FAT3: variants seen among roughly 807,000 people sequenced by gnomAD.
FAT3 encodes protocadherin Fat 3.
In FAT3, 95 loss-of-function variants were observed where a neutral mutation model predicts 310.2. The ratio of observed to expected loss-of-function variants is 0.31; its 90% CI spans 0.26 to 0.36. The LOEUF (loss-of-function observed/expected upper bound fraction) is 0.36, where lower values mean the gene tolerates loss of function less well. Ranked by LOEUF, FAT3 falls within the 10% of genes least tolerant of loss-of-function variation. The pLI is 1.00. For synonymous variants in FAT3, 2,314 were observed against 2,192.9 expected (o/e 1.06, Z -1.54); for missense variants, 5,408 against 5,715.6 (o/e 0.95, Z 1.74).
intron 2 of FAT3, among the ~76,000 whole-genome samples, chr11:92,466,699 A>G (rs1951769397): frequency 6.7e-6 from 1 of 149,712 alleles, no homozygotes; most frequent in Admixed American, 6.7e-5. Context: ...GTCATTTAGC[A>G]TTAGGTGTAT....
chr11:92,893,849 G>A lies in FAT3; in HGVS notation c.*2736G>A, dbSNP rs991634982. On this transcript the variant is annotated 3_prime_UTR_variant, in exon 28 of 28. Coordinates refer to ENST00000525166, the MANE Select transcript of FAT3 (RefSeq NM_001367949.2). Reference sequence around the variant, plus strand: ...AGTCAGGCCAAGATGCTACTAGGTGGGGATGATCACTAATTCAAAAAAGCT... The same window carrying A: ...AGTCAGGCCAAGATGCTACTAGGTGAGGATGATCACTAATTCAAAAAAGCT... The A allele has an allele frequency of 2.0e-5, 3 of 152,114 alleles. No individual in the cohort carries two copies. Among genetic ancestry groups the A allele is most frequent in the African/African-American group, 7.2e-5 (3 of 41,410 alleles). The allele number at this position is 152,114 out of a possible 1,614,324, so 9.4% of individuals were successfully genotyped here. A position where few individuals can be genotyped will look rare whatever the true frequency, so the allele number is the denominator to read the frequency against.
intron 1 of FAT3, among the ~76,000 whole-genome samples, chr11:92,306,504 T>A (rs1175451474): frequency 3.1e-5 from 4 of 127,830 alleles, no homozygotes; most frequent in African/African-American, 1.3e-4. Context: ...ATTATATATG[T>A]TATATATATT....
At chr11:92,678,658 C>T (rs1373922087) in intron 3 of FAT3, among the ~76,000 whole-genome samples, 1 of 152,088 alleles carries the variant, frequency 6.6e-6, no homozygotes, top group African/African-American at 2.4e-5. Flanking sequence ...CCCCTTAAGA[C>T]TCCGAGTTTT....
At chr11:92,447,495 C>T (rs897587439) in intron 2 of FAT3, among the ~76,000 whole-genome samples, 6 of 151,992 alleles carry the variant, frequency 3.9e-5, no homozygotes, top group Admixed American at 3.9e-4. Flanking sequence ...AAGAGCTAAG[C>T]AATATTATAG....
intron 1 of FAT3, among the ~76,000 whole-genome samples, chr11:92,325,858 T>C (rs1947749675): frequency 6.6e-6 from 1 of 152,178 alleles, no homozygotes; most frequent in South Asian, 2.1e-4. Flanking sequence ...TCTCGATCTC[T>C]TGACCTCGTG....
chr11:92,314,100 G>A (rs1275772552), intron 1 of FAT3, among the ~76,000 whole-genome samples: 1 of 152,146 alleles, frequency 6.6e-6, no homozygotes, highest in Non-Finnish European at 1.5e-5. Flanking sequence ...CTATAGAACT[G>A]CCTCAGAAAA....
rs533099209 is a variant in FAT3 at position 92,384,051 on chromosome 11, T to C, written c.3292+28647T>C. The stretch of plus-strand genomic sequence containing the variant: ...CTCAGCAAAGAAATCCATGTGGATT[T>C]TCCAGGGAGGTTTCCCCTCCCCAAA... On this transcript the variant is annotated intron_variant, in intron 2 of 27. Coordinates refer to ENST00000525166, the MANE Select transcript of FAT3 (RefSeq NM_001367949.2). Among the ~76,000 whole-genome samples the C allele has an allele frequency of 7.2e-5, 11 of 152,274 alleles. No homozygotes were observed. In the South Asian group the frequency reaches 2.3e-3, roughly 32 times the overall value.
At chr11:92,666,444 C>T (rs190377419) in intron 3 of FAT3, among the ~76,000 whole-genome samples, 4 of 151,232 alleles carry the variant, frequency 2.6e-5, no homozygotes, top group Admixed American at 6.6e-5. Context: ...CTCTGCCTCC[C>T]GGGTTCACGC....
At chr11:92,605,319 C>A (rs1429400267) in intron 3 of FAT3, among the ~76,000 whole-genome samples, 1 of 152,210 alleles carries the variant, frequency 6.6e-6, no homozygotes. Flanking sequence ...CATGATGGAG[C>A]CTCACCCTGG....
At chr11:92,460,092 G>C (rs917650857) in intron 2 of FAT3, among the ~76,000 whole-genome samples, 1 of 152,062 alleles carries the variant, frequency 6.6e-6, no homozygotes, top group East Asian at 1.9e-4. Context: ...TTCCTCCAAT[G>C]ATGCCTGCCT....
intron 4 of FAT3, among the ~76,000 whole-genome samples, chr11:92,723,234 A>C (rs1490453676): frequency 6.6e-6 from 1 of 152,100 alleles, no homozygotes; most frequent in Non-Finnish European, 1.5e-5. Flanking sequence ...AGATACCCTA[A>C]ATCATCTCTC....
intron 2 of FAT3, among the ~76,000 whole-genome samples, chr11:92,495,560 G>A (rs191253879): frequency 4.6e-5 from 7 of 152,180 alleles, no homozygotes; most frequent in Admixed American, 3.9e-4. Flanking sequence ...CCATTGATCA[G>A]CTTTGAAAGT....
chr11:92,876,761 G>T (rs1949544662), intron 22 of FAT3, among the ~76,000 whole-genome samples: 1 of 152,148 alleles, frequency 6.6e-6, no homozygotes, highest in African/African-American at 2.4e-5. Flanking sequence ...TTCTGTACCT[G>T]GGAGTTATCT....
At chr11:92,617,891 C>A (rs916629692) in intron 3 of FAT3, among the ~76,000 whole-genome samples, 2 of 152,146 alleles carry the variant, frequency 1.3e-5, no homozygotes, top group African/African-American at 4.8e-5. Flanking sequence ...TCAGTCAGCC[C>A]CTACTGGGGG....
chr11:92,772,834 A>G (rs1446470057), intron 6 of FAT3, among the ~76,000 whole-genome samples: 2 of 152,094 alleles, frequency 1.3e-5, no homozygotes, highest in Non-Finnish European at 2.9e-5. Context: ...TGTACATCAG[A>G]TTCTAGTAAT....
intron 17 of FAT3, among the ~76,000 whole-genome samples, chr11:92,839,201 C>T (rs1290164014): frequency 3.9e-5 from 6 of 152,318 alleles, no homozygotes; most frequent in Admixed American, 6.5e-5. Context: ...AGTGAAAGCA[C>T]GGAGAGGCTC....
chr11:92,786,792 G>A (rs1467572641), intron 7 of FAT3, among the ~76,000 whole-genome samples: 1 of 152,032 alleles, frequency 6.6e-6, no homozygotes, highest in Non-Finnish European at 1.5e-5. Flanking sequence ...TTTTAAAAAT[G>A]GGCACAAGGC....
intron 2 of FAT3, among the ~76,000 whole-genome samples, chr11:92,460,849 T>C (rs1375496516): frequency 6.6e-6 from 1 of 152,190 alleles, no homozygotes; most frequent in South Asian, 2.1e-4. Context: ...ATAGAATGTT[T>C]CTCCTTGAAT....
At chr11:92,716,981 T>A (rs1018433337) in intron 4 of FAT3, among the ~76,000 whole-genome samples, 5 of 147,432 alleles carry the variant, frequency 3.4e-5, no homozygotes, top group African/African-American at 1.0e-4. Context: ...TTCTGCCATA[T>A]ATTTGCTGAA....
Sources: gnomAD v4.1 joint callset for allele counts (sites outside exome capture counted in the v4.1 genomes callset) on GRCh38, gnomAD v4.1.1 for gene constraint, MANE v1.5 for transcripts, NCBI Gene and HGNC (gene_info 2026-07-23, HGNC 2026-07-21) for gene names.